ANKS1A: variants seen among roughly 807,000 people sequenced by gnomAD.
ANKS1A encodes ankyrin repeat and SAM domain-containing protein 1A.
A neutral mutation model predicts 120.3 loss-of-function variants in ANKS1A; 55 were observed. The ratio of observed to expected loss-of-function variants is 0.46; its 90% CI spans 0.37 to 0.57. The LOEUF (loss-of-function observed/expected upper bound fraction) is 0.57, where lower values mean the gene tolerates loss of function less well. ANKS1A is among the 20% of genes least tolerant of loss of function. The pLI is 0.00. For missense variants in ANKS1A, 1,123 were observed against 1,480.3 expected, an observed-to-expected ratio of 0.76 and a Z score of 3.96; for synonymous variants, 590 against 604.7, an observed-to-expected ratio of 0.98 and a Z score of 0.36.
chr6:34,975,265 C>T (rs1367755732), intron 3 of ANKS1A, among the ~76,000 whole-genome samples: 1 of 151,574 alleles, frequency 6.6e-6, no homozygotes, highest in African/African-American at 2.4e-5. Flanking sequence ...ACCAGCCTGG[C>T]CAACATGGCA....
chr6:35,070,809 A>G, intron 13 of ANKS1A: 1 of 486,272 alleles, frequency 2.1e-6, no homozygotes, highest in Non-Finnish European at 3.9e-6. Context: ...TAACCCAGAC[A>G]CCCCTTTCTT....
chr6:35,039,621 G>A (rs1023351405), intron 11 of ANKS1A: 8 of 456,614 alleles, frequency 1.8e-5, no homozygotes, highest in Non-Finnish European at 2.2e-5. Flanking sequence ...CTACTGCCAC[G>A]TGCGTCCCTG....
chr6:34,973,354 GA>G (rs1771279320), intron 3 of ANKS1A, among the ~76,000 whole-genome samples: 1 of 152,336 alleles, frequency 6.6e-6, no homozygotes, highest in Admixed American at 6.5e-5. Flanking sequence ...GTGAGGCTGG[GA>G]CAAAGAGTAG....
intron 10 of ANKS1A, among the ~76,000 whole-genome samples, chr6:35,003,666 G>C (rs942904903): frequency 6.6e-6 from 1 of 152,160 alleles, no homozygotes; most frequent in African/African-American, 2.4e-5. Flanking sequence ...ACTTCTTCAA[G>C]TGATAAAAAG....
At chr6:35,006,761 CAAAACAA>C (rs1196260376) in intron 10 of ANKS1A, among the ~76,000 whole-genome samples, 1 of 151,972 alleles carries the variant, frequency 6.6e-6, no homozygotes, top group African/African-American at 2.4e-5. Flanking sequence ...TCTCAAAAAA[CAAAACAA>C]AAAACAAAAA....
chr6:34,955,416 C>T (rs1285893581), intron 1 of ANKS1A, among the ~76,000 whole-genome samples: 3 of 152,302 alleles, frequency 2.0e-5, no homozygotes, highest in Middle Eastern at 3.4e-3. Flanking sequence ...GGATTACAGG[C>T]GTGAGCCACC....
At chr6:35,029,840 T>G (rs1262814663) in intron 11 of ANKS1A, among the ~76,000 whole-genome samples, 1 of 149,240 alleles carries the variant, frequency 6.7e-6, no homozygotes, top group Non-Finnish European at 1.5e-5. Flanking sequence ...TATATATATA[T>G]AGTTACATAT....
intron 8 of ANKS1A, among the ~76,000 whole-genome samples, chr6:34,988,501 C>T (rs1772332483): frequency 6.6e-6 from 1 of 152,154 alleles, no homozygotes; most frequent in Admixed American, 6.5e-5. Context: ...GAGGCTGAGG[C>T]AGGAGAATGG....
intron 1 of ANKS1A, among the ~76,000 whole-genome samples, chr6:34,911,667 G>A (rs565542981): frequency 8.5e-5 from 13 of 152,302 alleles, no homozygotes; most frequent in African/African-American, 2.2e-4. Flanking sequence ...CGGTCATTAA[G>A]AAACCCAAAT....
chr6:35,004,425 C>G (rs576193122), intron 10 of ANKS1A, among the ~76,000 whole-genome samples: 108 of 151,748 alleles, frequency 7.1e-4, no homozygotes, highest in Non-Finnish European at 1.4e-3. Context: ...GAGCTGGAGA[C>G]CAGCCAGAAC....
chr6:35,004,917 C>T (rs76982766), intron 10 of ANKS1A, among the ~76,000 whole-genome samples: 6,839 of 152,218 alleles, frequency 0.045, 280 homozygotes, highest in African/African-American at 0.11. Context: ...TTTAAGCTAA[C>T]GTGGGATTAT....
At chr6:34,961,488 G>C (rs1770636261) in intron 1 of ANKS1A, among the ~76,000 whole-genome samples, 1 of 152,168 alleles carries the variant, frequency 6.6e-6, no homozygotes. Context: ...TGGAAACGTT[G>C]CTGCTTTTTG....
intron 1 of ANKS1A, among the ~76,000 whole-genome samples, chr6:34,959,314 A>T (rs1180921794): frequency 6.6e-6 from 1 of 152,232 alleles, no homozygotes; most frequent in Non-Finnish European, 1.5e-5. Context: ...CATAGAGACC[A>T]TGTCATACTG....
At chr6:35,072,487 G>A (rs1224136238) in intron 13 of ANKS1A, among the ~76,000 whole-genome samples, 3 of 152,252 alleles carry the variant, frequency 2.0e-5, no homozygotes, top group African/African-American at 2.4e-5. Flanking sequence ...GATCATGGGC[G>A]ACTCTACAAA....
rs1373461698 is a variant in ANKS1A at position 34,951,212 on chromosome 6, G to A, written c.198-16027G>A. On this transcript the variant is annotated intron_variant, in intron 1 of 23. Transcript: ENST00000360359. ...TTGCCTCGTTTTATAGATTATTTAC[G>A]AAAATTGTAAACTGGAAGTAATTCA... Among the ~76,000 whole-genome samples the A allele has an allele frequency of 3.9e-5, 6 of 151,960 alleles. No individual in the cohort carries two copies. The South Asian group carries it at 6.2e-4, about 16-fold the overall frequency.
rs1772817266 is a variant in ANKS1A at position 34,995,757 on chromosome 6, T to C, written c.1423+1335T>C. On this transcript the variant is annotated intron_variant, in intron 10 of 23. Transcript: ENST00000360359. ...ATATCAATAATTCGTTCCTTTTCAT[T>C]GCTACTATCCCATTGTGTGGATATA... Among the ~76,000 whole-genome samples the C allele has an allele frequency of 3.3e-5, 5 of 152,212 alleles. No homozygotes were observed. In the South Asian group the frequency reaches 1.0e-3, roughly 32 times the overall value.
In ANKS1A at chr6:34,894,610, C is replaced by T. The variant is rs1041862803; in HGVS notation, c.197+5011C>T. On this transcript the variant is annotated intron_variant, in intron 1 of 23. Transcript: ENST00000360359. ...GAGGCTGCAGTGAGCCAAGATTGTT[C>T]CACTGCATTTCAGCCTGGGTGACAG... Among the ~76,000 whole-genome samples the T allele has an allele frequency of 2.6e-5, 4 of 152,136 alleles. No homozygotes were observed. The South Asian group carries it at 6.2e-4, about 24-fold the overall frequency.
rs751183788 is a variant in ANKS1A at position 35,090,430 on chromosome 6, C to G, written c.*1821C>G. On this transcript the variant is annotated 3_prime_UTR_variant, in exon 24 of 24. Transcript: ENST00000360359. ...GGGGCGGTAGGTCCGAAAGAAACCGCAGACACTACGATGCACTCCTCAAGC... is the reference window on the plus strand; with the variant it reads ...GGGGCGGTAGGTCCGAAAGAAACCGGAGACACTACGATGCACTCCTCAAGC... 8.4e-7 allele frequency: 1 copy of G among 1,194,920 alleles called. No individual in the cohort carries two copies. Among genetic ancestry groups the G allele is most frequent in the Non-Finnish European group, 1.1e-6 (1 of 944,064 alleles). 74.0% of individuals were successfully genotyped at this position (1,194,920 alleles called of 1,614,324 possible).
intron 1 of ANKS1A, among the ~76,000 whole-genome samples, chr6:34,895,703 C>G (rs547159496): frequency 6.6e-6 from 1 of 151,692 alleles, no homozygotes; most frequent in Non-Finnish European, 1.5e-5. Context: ...ATGCAACTAT[C>G]CACTAGCATA....
Sources: allele counts gnomAD v4.1 joint callset (sites outside exome capture counted in the v4.1 genomes callset), GRCh38; gene constraint gnomAD v4.1.1; transcripts MANE v1.5; gene names NCBI Gene and HGNC (gene_info 2026-07-23, HGNC 2026-07-21).